The following CAPN15 variants were observed in gnomAD, a reference collection of about 807,000 sequenced individuals.
CAPN15 encodes the protein calpain-15.
CAPN15 carries 53 observed loss-of-function variants against 97.9 expected under a neutral mutation model. The observed-to-expected ratio is 0.54, with a 90% CI of 0.43 to 0.68. CAPN15 has a LOEUF of 0.68. Ranked by LOEUF, CAPN15 falls within the 30% of genes least tolerant of loss-of-function variation. CAPN15 has a pLI of 0.00. For missense variants in CAPN15, 1,592 were observed against 1,589.8 expected, an observed-to-expected ratio of 1.00 and a Z score of -0.02; for synonymous variants, 922 against 722.5, an observed-to-expected ratio of 1.28 and a Z score of -4.43.
At chr16:541,499 T>C (rs2034114566) in intron 3 of CAPN15, among the ~76,000 whole-genome samples, 1 of 152,200 alleles carries the variant, frequency 6.6e-6, no homozygotes, top group Non-Finnish European at 1.5e-5. Flanking sequence ...GAAGGGTCTG[T>C]GCTCCTCCTG....
In CAPN15 at chr16:532,865, A is replaced by C. The variant is rs940306743; in HGVS notation, c.-189-1081A>C. Among the ~76,000 whole-genome samples, 3 of 151,000 alleles carry C rather than the reference A, an allele frequency of 2.0e-5. No homozygotes were observed. The South Asian group carries it at 6.3e-4, about 32-fold the overall frequency. On this transcript the variant is annotated intron_variant, in intron 1 of 13. Transcript: ENST00000219611. ...GAGACTCTGTCAGAGAAAAAAAAAA[A>C]AAAAACAGGTGATGCCTGTGCCACT...
rs1453272488 is a variant in CAPN15, at chr16:554,558, G to A, written c.*1042G>A. The A allele has an allele frequency of 4.6e-5, 21 of 456,132 alleles. No individual in the cohort carries two copies. The highest frequency in any genetic ancestry group is 8.8e-5 in the Non-Finnish European group (20 of 226,758). The allele number at this position is 456,132 out of a possible 1,614,324, so 28.3% of individuals were successfully genotyped here. The stretch of plus-strand genomic sequence containing the variant: ...GACTATTTTATCAATTGTCAGTCCC[G>A]TTCCTTTACCATAGGATTCTCCACA... On this transcript the variant is annotated 3_prime_UTR_variant, in exon 14 of 14. Coordinates refer to ENST00000219611, the MANE Select transcript of CAPN15 (RefSeq NM_005632.3).
rs367570057 is a variant in CAPN15, at chr16:534,976, G to T, written c.-137+978G>T. 7.2e-5 allele frequency among the ~76,000 whole-genome samples: 11 copies of T among 152,278 alleles called. 1 individual carries two copies. The highest frequency in any genetic ancestry group is 6.2e-4 in the South Asian group (3 of 4,826). On this transcript the variant is annotated intron_variant, in intron 2 of 13. Transcript: ENST00000219611. The stretch of plus-strand genomic sequence containing the variant: ...CTGCGGGGCAGGGGAGGGCTCGGGG[G>T]TACAGCCGTGTACATGATTAGTTAG...
Position 551,888 on chromosome 16 carries a change from A to T in CAPN15, c.2346-163A>T, listed in dbSNP as rs1458495222. 7 of 966,596 alleles carry T rather than the reference A, an allele frequency of 7.2e-6. No homozygotes were observed. The African/African-American group carries it at 9.8e-5, about 13-fold the overall frequency. The allele number at this position is 966,596 out of a possible 1,614,324, so 59.9% of individuals were successfully genotyped here. A position where few individuals can be genotyped will look rare whatever the true frequency, so the allele number is the denominator to read the frequency against. On this transcript the variant is annotated intron_variant, in intron 9 of 13. Transcript: ENST00000219611. The stretch of plus-strand genomic sequence containing the variant: ...AAGAGCCGGCCCTGGAGGGCTTCCT[A>T]TTATAGGCCTCAGGGATGGGCCCCC...
At chr16:534,205 A>G (rs2033502288) in intron 2 of CAPN15, among the ~76,000 whole-genome samples, 1 of 152,262 alleles carries the variant, frequency 6.6e-6, no homozygotes, top group African/African-American at 2.4e-5. Context: ...GTGGGAGGCG[A>G]CGGTGAGGGC....
chr16:543,707 G>A (rs2034317422), intron 3 of CAPN15, among the ~76,000 whole-genome samples: 1 of 152,188 alleles, frequency 6.6e-6, no homozygotes, highest in South Asian at 2.1e-4. Context: ...CGGGAAGGCA[G>A]CTGGGCCTCC....
chr16:529,431 A>G (rs962658260), intron 1 of CAPN15, among the ~76,000 whole-genome samples: 15 of 152,326 alleles, frequency 9.8e-5, no homozygotes, highest in Non-Finnish European at 2.2e-4. Context: ...CCAGTGCCAC[A>G]GGTGAGGAAC....
intron 3 of CAPN15, among the ~76,000 whole-genome samples, chr16:541,614 C>G (rs1053070849): frequency 6.6e-6 from 1 of 152,232 alleles, no homozygotes; most frequent in Non-Finnish European, 1.5e-5. Flanking sequence ...TGAGGTAGAA[C>G]TTACCAGACT....
At chr16:540,996 G>A (rs1596333054) in intron 3 of CAPN15, among the ~76,000 whole-genome samples, 1 of 152,216 alleles carries the variant, frequency 6.6e-6, no homozygotes, top group South Asian at 2.1e-4. Context: ...CCGGGGCCTC[G>A]GGGCCAGTGC....
chr16:547,210 G>A lies in CAPN15; in HGVS notation c.372G>A (p.Glu124=). The stretch of plus-strand genomic sequence containing the variant: ...CGGAGCCCGCCAGGGGGCAGTGCGA[G>A]GACAAGGACGAGGAGGAGAAGGAGG... The part of the protein sequence containing the change: ...VATEPARGQC[E]DKDEEEKEEQ... Residue 124 remains glutamate (E), a synonymous_variant, in exon 4 of 14, where the codon GAG becomes GAA. Coordinates refer to ENST00000219611, the MANE Select transcript of CAPN15 (RefSeq NM_005632.3). 1.3e-6 allele frequency: 2 copies of A among 1,528,060 alleles called. No homozygotes were observed. Among genetic ancestry groups the A allele is most frequent in the Non-Finnish European group, 1.7e-6 (2 of 1,143,308 alleles). 94.7% of individuals were successfully genotyped at this position (1,528,060 alleles called of 1,614,324 possible). A position where few individuals can be genotyped will look rare whatever the true frequency, so the allele number is the denominator to read the frequency against.
chr16:545,579 A>G (rs1348819485), intron 3 of CAPN15, among the ~76,000 whole-genome samples: 2 of 152,186 alleles, frequency 1.3e-5, no homozygotes, highest in East Asian at 3.8e-4. Flanking sequence ...TTTTGCCAGG[A>G]TGACTCCGAA....
chr16:540,225 C>G, intron 3 of CAPN15: 18 of 985,492 alleles, frequency 1.8e-5, no homozygotes, highest in Non-Finnish European at 2.2e-5. Flanking sequence ...CCGCAGAGAC[C>G]GAGTCGGACC....
intron 3 of CAPN15, among the ~76,000 whole-genome samples, chr16:536,563 C>T (rs537918601): frequency 6.6e-6 from 1 of 152,294 alleles, no homozygotes; most frequent in East Asian, 1.9e-4. Context: ...GCTGGGATTA[C>T]AGGCGCCCGC....
Position 549,397 on chromosome 16 carries a change from GA to G in CAPN15, c.1769del (p.Asp590AlafsTer94), listed in dbSNP as rs976173443. 3 of 1,599,446 alleles carry G rather than the reference GA, an allele frequency of 1.9e-6. No homozygotes were observed. The highest frequency in any genetic ancestry group is 2.5e-6 in the Non-Finnish European group (3 of 1,178,790). ...CGCCTACCAGGTGCGGCTGTGCAAG[GA>G]CGGCACGTGGACCACGGTGCTGGTG... The part of the protein sequence containing the change: ...EGAYQVRLCK[D>X]GTWTTVLVDD... On this transcript the variant is annotated frameshift_variant, in exon 6 of 14. Transcript: ENST00000219611. LOFTEE classifies it high-confidence loss of function.
intron 3 of CAPN15, among the ~76,000 whole-genome samples, chr16:546,040 T>C (rs1205515513): frequency 6.6e-6 from 1 of 152,190 alleles, no homozygotes; most frequent in East Asian, 1.9e-4. Context: ...GCCTTGGGTC[T>C]CTCTGCTCCA....
At chr16:534,390 A>G (rs1418746224) in intron 2 of CAPN15, among the ~76,000 whole-genome samples, 1 of 152,146 alleles carries the variant, frequency 6.6e-6, no homozygotes, top group East Asian at 1.9e-4. Context: ...GTCCCTGGGG[A>G]GCGGCCTGCA....
intron 1 of CAPN15, among the ~76,000 whole-genome samples, chr16:530,534 G>T (rs1041094742): frequency 2.6e-5 from 4 of 152,230 alleles, no homozygotes; most frequent in African/African-American, 9.6e-5. Context: ...TTGCATGTGT[G>T]TCTCGCTGCA....
In CAPN15 at chr16:552,245, G is replaced by GGGCTA. The variant is rs1201775641; in HGVS notation, c.2507+38_2507+42dup. On this transcript the variant is annotated intron_variant, in intron 10 of 13. Coordinates refer to ENST00000219611, the MANE Select transcript of CAPN15 (RefSeq NM_005632.3). This position sits in a 1 kb window ranked among gnomAD's most constrained non-coding sequence, Gnocchi z 6.4. ...CTGCGGGGCCCCATCGGGCTGGGCT[G>GGGCTA]GGCTAGGCTGGCGGCCGTGACCACG... The GGGCTA allele has an allele frequency of 5.9e-6, 9 of 1,534,076 alleles. No individual in the cohort carries two copies. The African/African-American group carries it at 1.1e-4, about 19-fold the overall frequency.
chr16:552,794 G>A lies in CAPN15; in HGVS notation c.2904+23G>A. Reference sequence around the variant, plus strand: ...GAGGTGGGTGGGGGTCCCGGGGGAGGGTGGCGTGGGGCAGGGGGAGTATGC... The same window carrying A: ...GAGGTGGGTGGGGGTCCCGGGGGAGAGTGGCGTGGGGCAGGGGGAGTATGC... On this transcript the variant is annotated intron_variant, in intron 12 of 13. Transcript: ENST00000219611. This position sits in a 1 kb window ranked among gnomAD's most constrained non-coding sequence, Gnocchi z 6.4. The A allele has an allele frequency of 6.6e-7, 1 of 1,522,840 alleles. No homozygotes were observed. Among genetic ancestry groups the A allele is most frequent in the East Asian group, 2.5e-5 (1 of 40,596 alleles). 94.3% of individuals were successfully genotyped at this position (1,522,840 alleles called of 1,614,324 possible). A position where few individuals can be genotyped will look rare whatever the true frequency, so the allele number is the denominator to read the frequency against.
Sources: gnomAD v4.1 joint callset for allele counts (sites outside exome capture counted in the v4.1 genomes callset) on GRCh38, gnomAD v4.1.1 for gene constraint, Gnocchi (gnomAD v3.1) non-coding constraint, MANE v1.5 for transcripts, NCBI Gene and HGNC (gene_info 2026-07-23, HGNC 2026-07-21) for gene names.